The following RAB30 variants were observed in gnomAD, a reference collection of about 807,000 sequenced individuals.
RAB30 encodes RAB30, member RAS oncogene family.
Under a neutral mutation model 25.1 loss-of-function variants are expected in RAB30, and 9 were observed. The ratio of observed to expected loss-of-function variants is 0.36; its 90% confidence interval spans 0.22 to 0.63. RAB30 has a LOEUF of 0.63. RAB30 is among the 20% of genes least tolerant of loss of function. The pLI, the probability that RAB30 is intolerant of heterozygous loss-of-function variation, is 0.69. For synonymous variants in RAB30, 77 were observed against 86.4 expected (o/e 0.89, Z 0.60); for missense variants, 140 against 243.5 (o/e 0.58, Z 2.83).
chr11:83,031,393 T>A (rs1014242276), intron 1 of RAB30, among the ~76,000 whole-genome samples: 1 of 152,240 alleles, frequency 6.6e-6, no homozygotes. Flanking sequence ...GTTTGTTTCC[T>A]TAGAGTGTAA....
intron 1 of RAB30, among the ~76,000 whole-genome samples, chr11:83,010,986 T>G (rs1436507165): frequency 6.6e-6 from 1 of 152,236 alleles, no homozygotes; most frequent in Admixed American, 6.5e-5. Context: ...TTTGCAAAGC[T>G]GCATTTGTCA....
chr11:83,048,906 C>T (rs1858291760), intron 1 of RAB30, among the ~76,000 whole-genome samples: 1 of 152,226 alleles, frequency 6.6e-6, no homozygotes, highest in African/African-American at 2.4e-5. Context: ...GGCTGTACTC[C>T]ACCCTTCTTA....
At chr11:82,987,343 C>A (rs1345240708) in intron 4 of RAB30, 3 of 323,340 alleles carry the variant, frequency 9.3e-6, no homozygotes, top group Non-Finnish European at 1.7e-5. Context: ...ACTTTCATGG[C>A]CATCCAACTT....
At chr11:83,034,000 A>G (rs192101314) in intron 1 of RAB30, 7 of 152,396 alleles carry the variant, frequency 4.6e-5, no homozygotes, top group Admixed American at 3.9e-4. Context: ...GAGCAAGTCC[A>G]TCCTCAAAAG....
Position 82,982,039 on chromosome 11 carries a change from A to G in RAB30, c.*126T>C. On this transcript the variant is annotated 3_prime_UTR_variant, in exon 5 of 5. Coordinates refer to ENST00000527633, the MANE Select transcript of RAB30 (RefSeq NM_001286060.2). ...AGGCCCTTGGCCTGCCATGCTTTGT[A>G]AGCTCAGGAGCCCACAGGAGTCAGA... 1 of 1,326,082 alleles carries G rather than the reference A, an allele frequency of 7.5e-7. No homozygotes were observed. Among genetic ancestry groups the G allele is most frequent in the South Asian group, 1.4e-5 (1 of 71,930 alleles). The allele number at this position is 1,326,082 out of a possible 1,614,324, so 82.1% of individuals were successfully genotyped here. A position where few individuals can be genotyped will look rare whatever the true frequency, so the allele number is the denominator to read the frequency against.
At position 82,980,707 on chromosome 11, in the gene RAB30, A is replaced by G. The variant is rs528323973; in HGVS notation, c.*1458T>C. 6.6e-4 allele frequency: 100 copies of G among 152,336 alleles called. 2 individuals carry two copies. Among genetic ancestry groups the G allele is most frequent in the African/African-American group, 2.2e-3 (92 of 41,578 alleles). 9.4% of individuals were successfully genotyped at this position (152,336 alleles called of 1,614,324 possible). On this transcript the variant is annotated 3_prime_UTR_variant, in exon 5 of 5. Coordinates refer to ENST00000527633, the MANE Select transcript of RAB30 (RefSeq NM_001286060.2). ...TCAAAGTATGGCACTGAAGAAAAAGAAACACATATTCAGCAGCACATCTCC... is the reference window on the plus strand; with the variant it reads ...TCAAAGTATGGCACTGAAGAAAAAGGAACACATATTCAGCAGCACATCTCC...
chr11:83,039,835 T>C (rs1370022841), intron 1 of RAB30, among the ~76,000 whole-genome samples: 3 of 152,054 alleles, frequency 2.0e-5, no homozygotes, highest in Non-Finnish European at 4.4e-5. Flanking sequence ...ATGGCCGACT[T>C]AATAAGTAGG....
At chr11:83,013,571 A>G (rs1857351451) in intron 1 of RAB30, among the ~76,000 whole-genome samples, 1 of 152,230 alleles carries the variant, frequency 6.6e-6, no homozygotes, top group Admixed American at 6.5e-5. Context: ...CAGAGAAACT[A>G]AACACTATGA....
intron 1 of RAB30, among the ~76,000 whole-genome samples, chr11:83,046,436 A>G (rs1858234708): frequency 6.6e-6 from 1 of 152,190 alleles, no homozygotes; most frequent in Admixed American, 6.5e-5. Flanking sequence ...GGGGTTGGCA[A>G]ACTATGGCTC....
rs1856616994 is a variant in RAB30, at chr11:82,980,359, C to T, written c.*1806G>A. 1 of 152,148 alleles carries T rather than the reference C, an allele frequency of 6.6e-6. No individual in the cohort carries two copies. The highest frequency in any genetic ancestry group is 2.4e-5 in the African/African-American group (1 of 41,422). 9.4% of individuals were successfully genotyped at this position (152,148 alleles called of 1,614,324 possible). A position where few individuals can be genotyped will look rare whatever the true frequency, so the allele number is the denominator to read the frequency against. ...GTGAGGCCAACCAAAAGTATCAGCC[C>T]CTTAAAAAATATGCATAATCTCATG... is the stretch of plus-strand genomic sequence containing the variant. On this transcript the variant is annotated 3_prime_UTR_variant, in exon 5 of 5. Transcript: ENST00000527633.
intron 1 of RAB30, among the ~76,000 whole-genome samples, chr11:83,059,564 C>T (rs1370011871): frequency 1.3e-5 from 2 of 152,200 alleles, no homozygotes; most frequent in Non-Finnish European, 2.9e-5. Flanking sequence ...CATGGTCCAA[C>T]AGGATGCAGT....
chr11:83,029,659 T>C (rs1857807162), intron 1 of RAB30, among the ~76,000 whole-genome samples: 1 of 152,208 alleles, frequency 6.6e-6, no homozygotes, highest in South Asian at 2.1e-4. Flanking sequence ...TCTTACATTA[T>C]ACTATTATTA....
At chr11:83,056,744 C>T (rs1010005182) in intron 1 of RAB30, among the ~76,000 whole-genome samples, 6 of 152,124 alleles carry the variant, frequency 3.9e-5, no homozygotes, top group Admixed American at 2.0e-4. Flanking sequence ...CTTAGGCATG[C>T]TACTTAAGTT....
intron 1 of RAB30, among the ~76,000 whole-genome samples, chr11:83,036,771 T>C (rs1590868210): frequency 6.6e-6 from 1 of 152,152 alleles, no homozygotes; most frequent in African/African-American, 2.4e-5. Flanking sequence ...AGCCAGGCAT[T>C]TGCAAAGCTA....
intron 1 of RAB30, among the ~76,000 whole-genome samples, chr11:83,043,931 G>C (rs1001985471): frequency 6.6e-6 from 1 of 152,096 alleles, no homozygotes; most frequent in Non-Finnish European, 1.5e-5. Flanking sequence ...ATAAAGTGCA[G>C]TAAACCAGGG....
chr11:82,990,357 A>C (rs1856826991), intron 3 of RAB30, among the ~76,000 whole-genome samples: 1 of 152,374 alleles, frequency 6.6e-6, no homozygotes, highest in East Asian at 1.9e-4. Flanking sequence ...ATGGCTAACT[A>C]AATGAACAAA....
chr11:83,026,549 AG>A (rs1400288825), intron 1 of RAB30, among the ~76,000 whole-genome samples: 1 of 152,188 alleles, frequency 6.6e-6, no homozygotes, highest in East Asian at 1.9e-4. Flanking sequence ...AAGCTTTCTG[AG>A]GTCTCACCAG....
At chr11:83,047,232 GACGGTGGC>G (rs1858253823) in intron 1 of RAB30, among the ~76,000 whole-genome samples, 1 of 152,236 alleles carries the variant, frequency 6.6e-6, no homozygotes, top group Admixed American at 6.5e-5. Flanking sequence ...CCTTTTGGAT[GACGGTGGC>G]ACCTGGAAAG....
chr11:83,036,686 A>T (rs1325669187), intron 1 of RAB30, among the ~76,000 whole-genome samples: 2 of 152,238 alleles, frequency 1.3e-5, no homozygotes, highest in Non-Finnish European at 2.9e-5. Flanking sequence ...TGATGAGATG[A>T]GGCCTCAGAG....
Sources: gnomAD v4.1 joint callset for allele counts (sites outside exome capture counted in the v4.1 genomes callset) on GRCh38, gnomAD v4.1.1 for gene constraint, MANE v1.5 for transcripts, NCBI Gene and HGNC (gene_info 2026-07-23, HGNC 2026-07-21) for gene names.